The following CADM2 variants were observed in gnomAD, a reference collection of about 807,000 sequenced individuals.
The protein encoded by CADM2 is immunoglobulin superfamily member 4D.
CADM2 carries 12 observed loss-of-function variants against 49.8 expected under a neutral mutation model. The ratio of observed to expected loss-of-function variants is 0.24; its 90% CI spans 0.15 to 0.39. The LOEUF (loss-of-function observed/expected upper bound fraction) is 0.39. Ranked by LOEUF, CADM2 falls within the 10% of genes least tolerant of loss-of-function variation. CADM2 has a pLI of 1.00. For missense variants in CADM2, 378 were observed against 492.3 expected, an observed-to-expected ratio of 0.77 and a Z score of 2.20; for synonymous variants, 214 against 175.4, an observed-to-expected ratio of 1.22 and a Z score of -1.74.
chr3:84,990,309 TA>T (rs1386262266), intron 1 of CADM2, among the ~76,000 whole-genome samples: 3 of 151,666 alleles, frequency 2.0e-5, no homozygotes, highest in Non-Finnish European at 4.4e-5. Flanking sequence ...TATATTTTTT[TA>T]ATTTGAGTGC....
chr3:85,415,012 C>G (rs1576511351), intron 1 of CADM2, among the ~76,000 whole-genome samples: 1 of 152,234 alleles, frequency 6.6e-6, no homozygotes, highest in Middle Eastern at 3.4e-3. Context: ...TTTTAAAGTG[C>G]AAATGCCTCC....
In CADM2 at chr3:85,004,188, T is replaced by C. The variant is rs115565622; in HGVS notation, c.61+44520T>C. Among the ~76,000 whole-genome samples the C allele has an allele frequency of 6.3e-3, 965 of 152,262 alleles. 16 individuals are homozygous for C. The highest frequency in any genetic ancestry group is 0.022 in the African/African-American group (923 of 41,550). On this transcript the variant is annotated intron_variant, in intron 1 of 9. Transcript: ENST00000383699. The stretch of plus-strand genomic sequence containing the variant: ...ATTGTTTTTTATTTAATTTTTTTAT[T>C]AATTATGTAAACTATTTCAAATTCT...
intron 8 of CADM2, among the ~76,000 whole-genome samples, chr3:85,982,100 G>T (rs1420192164): frequency 6.6e-6 from 1 of 151,676 alleles, no homozygotes; most frequent in African/African-American, 2.4e-5. Context: ...TTTCTCTAAT[G>T]ATTAGTGATG....
chr3:85,213,666 T>G (rs911410543), intron 1 of CADM2, among the ~76,000 whole-genome samples: 7 of 152,192 alleles, frequency 4.6e-5, no homozygotes, highest in Non-Finnish European at 8.8e-5. Flanking sequence ...AGTTCTCTGT[T>G]ATTATCCCTT....
intron 5 of CADM2, among the ~76,000 whole-genome samples, chr3:85,903,324 C>G (rs1437052520): frequency 1.3e-5 from 2 of 149,850 alleles, no homozygotes; most frequent in Non-Finnish European, 1.5e-5. Context: ...TTTTCCTTTT[C>G]TATCTGAGAT....
intron 1 of CADM2, among the ~76,000 whole-genome samples, chr3:85,037,293 C>A (rs896139407): frequency 3.3e-5 from 5 of 152,174 alleles, no homozygotes; most frequent in Non-Finnish European, 7.4e-5. Context: ...TCTCGTATTT[C>A]CCTGCTAGTG....
intron 3 of CADM2, among the ~76,000 whole-genome samples, chr3:85,860,399 GA>G (rs112545486): frequency 0.075 from 11,407 of 151,466 alleles, 763 homozygotes; most frequent in African/African-American, 0.17. Context: ...TATATGGAGG[GA>G]AAAAAAACAA....
chr3:85,983,368 T>C (rs1271494626), intron 8 of CADM2, among the ~76,000 whole-genome samples: 1 of 151,656 alleles, frequency 6.6e-6, no homozygotes. Context: ...GGGAAAGAGC[T>C]GGATTGAGCC....
intron 1 of CADM2, among the ~76,000 whole-genome samples, chr3:85,689,390 A>C (rs1046076826): frequency 3.7e-4 from 57 of 152,248 alleles, no homozygotes; most frequent in African/African-American, 1.3e-3. Context: ...GACCAATACA[A>C]GAACAATGAA....
intron 8 of CADM2, among the ~76,000 whole-genome samples, chr3:85,987,890 T>C (rs1248076743): frequency 6.6e-6 from 1 of 152,084 alleles, no homozygotes; most frequent in Non-Finnish European, 1.5e-5. Flanking sequence ...TGGCTGTATC[T>C]TTCTTACTAA....
intron 6 of CADM2, among the ~76,000 whole-genome samples, chr3:85,917,599 C>G (rs535103695): frequency 1.3e-5 from 2 of 152,134 alleles, no homozygotes; most frequent in African/African-American, 4.8e-5. Context: ...AGTCAGGTAG[C>G]GTGATGCCTC....
At chr3:85,944,193 A>G (rs1422870749) in intron 7 of CADM2, among the ~76,000 whole-genome samples, 1 of 152,124 alleles carries the variant, frequency 6.6e-6, no homozygotes, top group Non-Finnish European at 1.5e-5. Context: ...ACGTAATGGT[A>G]AAGGGATCAA....
At chr3:85,114,994 T>A (rs1270419794) in intron 1 of CADM2, among the ~76,000 whole-genome samples, 1 of 152,228 alleles carries the variant, frequency 6.6e-6, no homozygotes, top group Non-Finnish European at 1.5e-5. Context: ...GCCCTTTTAC[T>A]ATTCTCAAAC....
At chr3:85,483,360 T>A (rs2107631473) in intron 1 of CADM2, among the ~76,000 whole-genome samples, 1 of 151,504 alleles carries the variant, frequency 6.6e-6, no homozygotes, top group East Asian at 1.9e-4. Flanking sequence ...ATAAGTATCA[T>A]TTCTTATGAA....
intron 1 of CADM2, among the ~76,000 whole-genome samples, chr3:85,081,931 T>G (rs1181614733): frequency 6.6e-6 from 1 of 152,164 alleles, no homozygotes; most frequent in Non-Finnish European, 1.5e-5. Context: ...GTTATCTTGA[T>G]GCAGAACAGT....
chr3:86,070,607 G>A lies in CADM2; in HGVS notation c.*3824G>A, dbSNP rs530442994. On this transcript the variant is annotated 3_prime_UTR_variant, in exon 10 of 10. Coordinates refer to ENST00000383699, the MANE Select transcript of CADM2 (RefSeq NM_001167675.2). ...CCCAATATTATTTCCCTTTGCAAATGGTAATTTCTGATAAAACAATACAAA... is the reference window on the plus strand; with the variant it reads ...CCCAATATTATTTCCCTTTGCAAATAGTAATTTCTGATAAAACAATACAAA... 2.1e-5 allele frequency: 3 copies of A among 144,634 alleles called. No individual in the cohort carries two copies. The East Asian group carries it at 6.1e-4, about 29-fold the overall frequency. 9.0% of individuals were successfully genotyped at this position (144,634 alleles called of 1,614,324 possible). A position where few individuals can be genotyped will look rare whatever the true frequency, so the allele number is the denominator to read the frequency against.
intron 1 of CADM2, among the ~76,000 whole-genome samples, chr3:85,157,547 C>T (rs1385848627): frequency 6.6e-6 from 1 of 152,098 alleles, no homozygotes; most frequent in Non-Finnish European, 1.5e-5. Flanking sequence ...ATATCTACAA[C>T]TATCTGATCT....
intron 1 of CADM2, among the ~76,000 whole-genome samples, chr3:85,463,984 A>G (rs2038374191): frequency 6.6e-6 from 1 of 152,142 alleles, no homozygotes; most frequent in Non-Finnish European, 1.5e-5. Flanking sequence ...AATTCGAAAG[A>G]TCATATATTG....
chr3:85,979,621 G>T (rs1396875808), intron 8 of CADM2, among the ~76,000 whole-genome samples: 6 of 151,608 alleles, frequency 4.0e-5, no homozygotes, highest in Non-Finnish European at 7.4e-5. Flanking sequence ...ATGTTCATGT[G>T]TGCAGAGGTA....
Sources: allele counts gnomAD v4.1 joint callset (sites outside exome capture counted in the v4.1 genomes callset), GRCh38; gene constraint gnomAD v4.1.1; transcripts MANE v1.5; gene names NCBI Gene and HGNC (gene_info 2026-07-23, HGNC 2026-07-21).